HPCAL1: variants seen among roughly 807,000 people sequenced by gnomAD.
HPCAL1 encodes hippocalcin-like protein 1.
In HPCAL1, 8 loss-of-function variants were observed where a neutral mutation model predicts 17.1. The ratio of observed to expected loss-of-function variants is 0.47; its 90% CI spans 0.27 to 0.84. The LOEUF (loss-of-function observed/expected upper bound fraction) is 0.84, where lower values mean the gene tolerates loss of function less well. HPCAL1 is among the 40% of genes least tolerant of loss of function. The pLI, the probability that HPCAL1 is intolerant of heterozygous loss-of-function variation, is 0.13. For missense variants in HPCAL1, 165 were observed against 271.1 expected, an observed-to-expected ratio of 0.61 and a Z score of 2.75; for synonymous variants, 112 against 111.4, an observed-to-expected ratio of 1.01 and a Z score of -0.03.
chr2:10,340,945 T>C (rs1256627039), intron 1 of HPCAL1, among the ~76,000 whole-genome samples: 1 of 152,178 alleles, frequency 6.6e-6, no homozygotes, highest in South Asian at 2.1e-4. Flanking sequence ...ATTATTTCAC[T>C]TTTTTCCCTT....
chr2:10,383,537 A>T (rs1668104112), intron 1 of HPCAL1, among the ~76,000 whole-genome samples: 1 of 152,022 alleles, frequency 6.6e-6, no homozygotes, highest in South Asian at 2.1e-4. Context: ...TAATTTTTGT[A>T]TTTTTAGTAG....
At position 10,365,628 on chromosome 2, in the gene HPCAL1, C is replaced by G. The variant is rs1056956406; in HGVS notation, c.-110-31207C>G. 6.6e-6 allele frequency among the ~76,000 whole-genome samples: 1 copy of G among 152,152 alleles called. No individual in the cohort carries two copies. The highest frequency in any genetic ancestry group is 1.5e-5 in the Non-Finnish European group (1 of 68,026). On this transcript the variant is annotated intron_variant, in intron 1 of 4. Transcript: ENST00000307845. This position sits in a 1 kb window ranked among gnomAD's most constrained non-coding sequence, Gnocchi z 4.8. ...ACCCCCGACCGCACACCTCCCTCCCCCTTAGCTGCTTCGAAGCCAAAGGTG... is the reference window on the plus strand; with the variant it reads ...ACCCCCGACCGCACACCTCCCTCCCGCTTAGCTGCTTCGAAGCCAAAGGTG...
Position 10,363,922 on chromosome 2 carries a change from G to A in HPCAL1, c.-110-32913G>A, listed in dbSNP as rs374836236. Among the ~76,000 whole-genome samples, 2 of 152,316 alleles carry A rather than the reference G, an allele frequency of 1.3e-5. No individual in the cohort carries two copies. Among genetic ancestry groups the A allele is most frequent in the African/African-American group, 4.8e-5 (2 of 41,588 alleles). Reference sequence around the variant, plus strand: ...TGGTAAGCGTTTAGTGCCCTGAGCCGACTCAGCTGGTGCTCAGGGAGGCCT... The same window carrying A: ...TGGTAAGCGTTTAGTGCCCTGAGCCAACTCAGCTGGTGCTCAGGGAGGCCT... On this transcript the variant is annotated intron_variant, in intron 1 of 4. Coordinates refer to ENST00000307845, the MANE Select transcript of HPCAL1 (RefSeq NM_002149.4). This position sits in a 1 kb window ranked among gnomAD's most constrained non-coding sequence, Gnocchi z 4.7.
chr2:10,425,241 T>G (rs2148050074), intron 4 of HPCAL1: 1 of 153,404 alleles, frequency 6.5e-6, no homozygotes, highest in Non-Finnish European at 1.5e-5. Context: ...CACAGCTGGC[T>G]GCCCTGAGTG....
chr2:10,353,213 G>A (rs1202287555), intron 1 of HPCAL1, among the ~76,000 whole-genome samples: 1 of 152,168 alleles, frequency 6.6e-6, no homozygotes, highest in Non-Finnish European at 1.5e-5. Flanking sequence ...GGCGTGCTGG[G>A]CACAGGTTTG....
rs1664285503 is a variant in HPCAL1, at chr2:10,330,383, A to G, written c.-111+27206A>G. 1.3e-5 allele frequency among the ~76,000 whole-genome samples: 2 copies of G among 152,196 alleles called. No individual in the cohort carries two copies. On this transcript the variant is annotated intron_variant, in intron 1 of 4. Transcript: ENST00000307845. This position sits in a 1 kb window ranked among gnomAD's most constrained non-coding sequence, Gnocchi z 4.2. ...AGCAAGGGCCACCCTGCCCCTCCCC[A>G]CCAAGCCCTGAGTCGTCTAACCTTC...
At chr2:10,372,709 G>C (rs909605737) in intron 1 of HPCAL1, among the ~76,000 whole-genome samples, 1 of 152,206 alleles carries the variant, frequency 6.6e-6, no homozygotes, top group Non-Finnish European at 1.5e-5. Flanking sequence ...CGTCAGCCAC[G>C]GCCAGAGCAC....
Position 10,419,901 on chromosome 2 carries a change from CAAG to C in HPCAL1, c.149_151del (p.Lys50del), listed in dbSNP as rs749574883. On this transcript the variant is annotated inframe_deletion, in exon 3 of 5. Transcript: ENST00000307845. The surrounding 1 kb of genome is among the most constrained non-coding windows in gnomAD (Gnocchi z 5.0). ...CCGGCCACCTGACCGTGGACGAGTT[CAAG>C]AAGATCTACGCCAACTTCTTCCCCT... is the stretch of plus-strand genomic sequence containing the variant. 1.9e-6 allele frequency: 3 copies of C among 1,613,942 alleles called. No individual in the cohort carries two copies. The highest frequency in any genetic ancestry group is 2.5e-6 in the Non-Finnish European group (3 of 1,180,018).
intron 1 of HPCAL1, among the ~76,000 whole-genome samples, chr2:10,380,608 G>A (rs1270258682): frequency 2.0e-5 from 3 of 152,162 alleles, no homozygotes; most frequent in Non-Finnish European, 4.4e-5. Flanking sequence ...GTAGCTTCTT[G>A]TAAAGTCCCT....
chr2:10,360,504 C>T (rs190402922), intron 1 of HPCAL1, among the ~76,000 whole-genome samples: 112 of 152,146 alleles, frequency 7.4e-4, no homozygotes, highest in African/African-American at 2.5e-3. Context: ...CTCTGCCTTA[C>T]GGGTTCAAGC....
chr2:10,386,421 C>A (rs369815454), intron 1 of HPCAL1, among the ~76,000 whole-genome samples: 1 of 152,238 alleles, frequency 6.6e-6, no homozygotes, highest in South Asian at 2.1e-4. Context: ...TCTGTGGAAT[C>A]ATTTACATGT....
intron 1 of HPCAL1, among the ~76,000 whole-genome samples, chr2:10,305,306 G>T (rs1572598052): frequency 6.6e-6 from 1 of 151,994 alleles, no homozygotes; most frequent in East Asian, 1.9e-4. Context: ...TTTTGTTTTT[G>T]TTTTTTTCTA....
intron 1 of HPCAL1, among the ~76,000 whole-genome samples, chr2:10,322,999 G>A (rs1465904437): frequency 2.0e-5 from 3 of 152,152 alleles, no homozygotes; most frequent in Non-Finnish European, 4.4e-5. Context: ...GACACACGCT[G>A]CCCCCTTCTG....
chr2:10,324,758 G>A (rs1663886984), intron 1 of HPCAL1, among the ~76,000 whole-genome samples: 2 of 146,712 alleles, frequency 1.4e-5, no homozygotes, highest in Non-Finnish European at 3.0e-5. Flanking sequence ...TGTGTTGGGG[G>A]TGGGGTTGTT....
At position 10,344,157 on chromosome 2, in the gene HPCAL1, AC is replaced by A. The variant is rs910617110; in HGVS notation, c.-111+40983del. On this transcript the variant is annotated intron_variant, in intron 1 of 4. Transcript: ENST00000307845. This position sits in a 1 kb window ranked among gnomAD's most constrained non-coding sequence, Gnocchi z 4.9. The stretch of plus-strand genomic sequence containing the variant: ...GTTGAGGACTGCAGTGAACTCATTA[AC>A]CCTACAGCTTTGATCTCGAAGTCTC... Among the ~76,000 whole-genome samples the A allele has an allele frequency of 3.3e-5, 5 of 152,078 alleles. No homozygotes were observed. The highest frequency in any genetic ancestry group is 2.6e-4 in the Admixed American group (4 of 15,266).
intron 2 of HPCAL1, among the ~76,000 whole-genome samples, chr2:10,399,280 T>TCATCACCAC (rs1669317094): frequency 1.4e-4 from 1 of 7,394 alleles, no homozygotes; most frequent in African/African-American, 5.9e-4. Flanking sequence ...ACCACCACCA[T>TCATCACCAC]CACCACCACC....
Position 10,310,758 on chromosome 2 carries a change from G to A in HPCAL1, c.-111+7581G>A, listed in dbSNP as rs186980915. On this transcript the variant is annotated intron_variant, in intron 1 of 4. Coordinates refer to ENST00000307845, the MANE Select transcript of HPCAL1 (RefSeq NM_002149.4). The surrounding 1 kb of genome is among the most constrained non-coding windows in gnomAD (Gnocchi z 4.5). Reference sequence around the variant, plus strand: ...TGTTCGTGCTGGCAGGCCGGAGGAGGACTGCTGGGCACACTTGCAGAATTG... The same window carrying A: ...TGTTCGTGCTGGCAGGCCGGAGGAGAACTGCTGGGCACACTTGCAGAATTG... Among the ~76,000 whole-genome samples, 89 of 152,274 alleles carry A rather than the reference G, an allele frequency of 5.8e-4. No homozygotes were observed. The highest frequency in any genetic ancestry group is 2.0e-3 in the African/African-American group (85 of 41,548).
intron 2 of HPCAL1, among the ~76,000 whole-genome samples, chr2:10,418,054 A>T (rs963380939): frequency 6.6e-6 from 1 of 151,954 alleles, no homozygotes; most frequent in African/African-American, 2.4e-5. Context: ...AATAAATAAA[A>T]AATAGATAGA....
chr2:10,315,405 A>G (rs1663253617), intron 1 of HPCAL1, among the ~76,000 whole-genome samples: 1 of 152,130 alleles, frequency 6.6e-6, no homozygotes, highest in African/African-American at 2.4e-5. Context: ...CGGTGGTTGT[A>G]TTCCATGGGA....
Sources: allele counts gnomAD v4.1 joint callset (sites outside exome capture counted in the v4.1 genomes callset), GRCh38; gene constraint gnomAD v4.1.1; non-coding constraint Gnocchi (gnomAD v3.1); transcripts MANE v1.5; gene names NCBI Gene and HGNC (gene_info 2026-07-23, HGNC 2026-07-21).